ADAMTS2: variants seen among roughly 807,000 people sequenced by gnomAD.
ADAMTS2 encodes the protein A disintegrin and metalloproteinase with thrombospondin motifs 2.
Under a neutral mutation model 123.0 loss-of-function variants are expected in ADAMTS2, and 50 were observed. The ratio of observed to expected loss-of-function variants is 0.41; its 90% CI spans 0.32 to 0.51. The LOEUF is 0.51. ADAMTS2 is among the 20% of genes least tolerant of loss of function. ADAMTS2 has a pLI of 0.35. For missense variants in ADAMTS2, 1,494 were observed against 1,705.2 expected, an observed-to-expected ratio of 0.88 and a Z score of 2.18; for synonymous variants, 678 against 695.4, an observed-to-expected ratio of 0.98 and a Z score of 0.39.
At chr5:179,266,610 G>A (rs1766378225) in intron 3 of ADAMTS2, among the ~76,000 whole-genome samples, 1 of 152,230 alleles carries the variant, frequency 6.6e-6, no homozygotes, top group African/African-American at 2.4e-5. Flanking sequence ...GAATGCAGGT[G>A]TGCTGTTTTA....
chr5:179,192,788 C>G (rs965474522), intron 4 of ADAMTS2, among the ~76,000 whole-genome samples: 2 of 152,204 alleles, frequency 1.3e-5, no homozygotes, highest in Non-Finnish European at 2.9e-5. Flanking sequence ...GGGTGCTGTC[C>G]CATCCTGGTA....
chr5:179,331,009 A>T (rs929215293), intron 2 of ADAMTS2, among the ~76,000 whole-genome samples: 7 of 152,082 alleles, frequency 4.6e-5, no homozygotes, highest in African/African-American at 1.7e-4. Flanking sequence ...CTGGTGCTCC[A>T]GCTGCAGTGA....
intron 4 of ADAMTS2, among the ~76,000 whole-genome samples, chr5:179,186,020 T>C (rs1166374029): frequency 2.0e-5 from 3 of 152,082 alleles, no homozygotes; most frequent in African/African-American, 7.2e-5. Flanking sequence ...AGGAAACCTC[T>C]GTCCCTTCCT....
rs79325655 is a variant in ADAMTS2 at position 179,189,750 on chromosome 5, G to T, written c.892-8595C>A. 3.5e-5 allele frequency among the ~76,000 whole-genome samples: 5 copies of T among 144,904 alleles called. No individual in the cohort carries two copies. The highest frequency in any genetic ancestry group is 2.2e-4 in the South Asian group (1 of 4,550). Reference sequence around the variant, plus strand: ...AAAATATCTTCTTAAGGTAGGGGGGGACAATATTACAAAGTATCTTCTTAA... The same window carrying T: ...AAAATATCTTCTTAAGGTAGGGGGGTACAATATTACAAAGTATCTTCTTAA... On this transcript the variant is annotated intron_variant, in intron 4 of 21. Coordinates refer to ENST00000251582, the MANE Select transcript of ADAMTS2 (RefSeq NM_014244.5). This position sits in a 1 kb window ranked among gnomAD's most constrained non-coding sequence, Gnocchi z 4.2.
intron 5 of ADAMTS2, among the ~76,000 whole-genome samples, chr5:179,167,990 G>A (rs2113285558): frequency 6.6e-6 from 1 of 152,282 alleles, no homozygotes; most frequent in South Asian, 2.1e-4. Flanking sequence ...CTTCTCAACC[G>A]TCCCCATCCC....
At chr5:179,344,923 G>A (rs1757897411) in intron 1 of ADAMTS2, among the ~76,000 whole-genome samples, 1 of 152,112 alleles carries the variant, frequency 6.6e-6, no homozygotes, top group African/African-American at 2.4e-5. Context: ...TTGGCCGCGG[G>A]GCTTTTCCCG....
intron 3 of ADAMTS2, 152 bp from the exon 4 acceptor site, chr5:179,207,867 G>A (rs1050847939): frequency 1.2e-5 from 9 of 751,376 alleles, no homozygotes; most frequent in African/African-American, 3.4e-5. Context: ...GAGGTGCAGA[G>A]GAAGATGGCA....
chr5:179,207,474 C>CGA, intron 4 of ADAMTS2, 39 bp downstream of exon 4: 27 of 927,308 alleles, frequency 2.9e-5, no homozygotes, highest in Non-Finnish European at 4.2e-5. Flanking sequence ...CTGGTTGACC[C>CGA]TCCCCGCCCC....
intron 2 of ADAMTS2, among the ~76,000 whole-genome samples, chr5:179,319,516 C>T (rs947874862): frequency 5.9e-5 from 9 of 152,122 alleles, no homozygotes; most frequent in Non-Finnish European, 1.2e-4. Context: ...GCATCACTGA[C>T]GTGCTCACAC....
chr5:179,276,774 C>A (rs1766707657), intron 2 of ADAMTS2, among the ~76,000 whole-genome samples: 2 of 152,206 alleles, frequency 1.3e-5, no homozygotes, highest in Non-Finnish European at 2.9e-5. Context: ...GGGCAGGACA[C>A]TGGGGCATGA....
rs988403525 is a variant in ADAMTS2 at position 179,234,319 on chromosome 5, G to A, written c.689-26604C>T. ...GACTTCTCCAGCTCTGCATGGAGAA[G>A]GCCTCACCATGCATCTCAGAGAGAA... On this transcript the variant is annotated intron_variant, in intron 3 of 21. Transcript: ENST00000251582. This position sits in a 1 kb window ranked among gnomAD's most constrained non-coding sequence, Gnocchi z 4.7. Among the ~76,000 whole-genome samples, 1 of 152,136 alleles carries A rather than the reference G, an allele frequency of 6.6e-6. No individual in the cohort carries two copies. Among genetic ancestry groups the A allele is most frequent in the East Asian group, 1.9e-4 (1 of 5,182 alleles).
rs757343233 is a variant in ADAMTS2, at chr5:179,258,606, G to A, written c.688+14305C>T. Among the ~76,000 whole-genome samples the A allele has an allele frequency of 9.8e-5, 15 of 152,312 alleles. No homozygotes were observed. In the Middle Eastern group the frequency reaches 0.01, roughly 104 times the overall value. ...GGCTCAAGCCTGGGCAGCATTGCTC[G>A]CAGCTAGGAATCTGCAGCTGGACTC... On this transcript the variant is annotated intron_variant, in intron 3 of 21. Transcript: ENST00000251582.
rs1330686763 is a variant in ADAMTS2, at chr5:179,189,666, T to A, written c.892-8511A>T. 6.6e-6 allele frequency among the ~76,000 whole-genome samples: 1 copy of A among 151,602 alleles called. No homozygotes were observed. The highest frequency in any genetic ancestry group is 1.5e-5 in the Non-Finnish European group (1 of 67,922). On this transcript the variant is annotated intron_variant, in intron 4 of 21. Coordinates refer to ENST00000251582, the MANE Select transcript of ADAMTS2 (RefSeq NM_014244.5). The surrounding 1 kb of genome is among the most constrained non-coding windows in gnomAD (Gnocchi z 4.2). ...GCCACCGCGCCCGGCCAGGAGCAAT[T>A]TTTTGTGGGCTGGGGACGGATTTTA...
rs566426419 is a variant in ADAMTS2, at chr5:179,162,403, A to AC, written c.976-3525dup. On this transcript the variant is annotated intron_variant, in intron 5 of 21. Transcript: ENST00000251582. This position sits in a 1 kb window ranked among gnomAD's most constrained non-coding sequence, Gnocchi z 5.1. ...CTGGAGCCCCCCTGCACTACAGGAG[A>AC]CCCCCCACCAAGGATTAAAGGAGGA... is the stretch of plus-strand genomic sequence containing the variant. Among the ~76,000 whole-genome samples, 5 of 151,848 alleles carry AC rather than the reference A, an allele frequency of 3.3e-5. No individual in the cohort carries two copies. The highest frequency in any genetic ancestry group is 2.1e-4 in the South Asian group (1 of 4,782).
intron 3 of ADAMTS2, among the ~76,000 whole-genome samples, chr5:179,264,848 C>T (rs189121479): frequency 1.0e-3 from 151 of 146,126 alleles, no homozygotes; most frequent in Middle Eastern, 3.8e-3. Flanking sequence ...CTCTGGGCCC[C>T]TTAGTGAGCC....
chr5:179,331,376 G>A (rs1411607983), intron 2 of ADAMTS2, among the ~76,000 whole-genome samples: 1 of 98,432 alleles, frequency 1.0e-5, no homozygotes, highest in African/African-American at 4.2e-5. Flanking sequence ...GAAGAGAGAG[G>A]AGGGAAGGGG....
At chr5:179,134,792 TCCAGCCCCCAG>T (rs1561771682) in intron 13 of ADAMTS2, among the ~76,000 whole-genome samples, 953 of 31,376 alleles carry the variant, frequency 0.03, 20 homozygotes, top group Middle Eastern at 0.054. Context: ...AGCTCCCGGC[TCCAGCCCCCAG>T]CTCCCGGCTC....
At chr5:179,279,544 A>G (rs1405557650) in intron 2 of ADAMTS2, among the ~76,000 whole-genome samples, 1 of 152,204 alleles carries the variant, frequency 6.6e-6, no homozygotes, top group Non-Finnish European at 1.5e-5. Flanking sequence ...TCTCACAGGG[A>G]GAGCTGCACA....
At chr5:179,235,106 C>T (rs954933058) in intron 3 of ADAMTS2, among the ~76,000 whole-genome samples, 3 of 152,328 alleles carry the variant, frequency 2.0e-5, no homozygotes, top group Admixed American at 6.5e-5. Context: ...TCGTTAGGCC[C>T]GCAAAGAGAG....
Sources: gnomAD v4.1 joint callset for allele counts (sites outside exome capture counted in the v4.1 genomes callset) on GRCh38, gnomAD v4.1.1 for gene constraint, Gnocchi (gnomAD v3.1) non-coding constraint, MANE v1.5 for transcripts, NCBI Gene and HGNC (gene_info 2026-07-23, HGNC 2026-07-21) for gene names.